SH2D6: variants seen among roughly 807,000 people sequenced by gnomAD.
The protein encoded by SH2D6 is SH2 domain containing 6.
SH2D6 carries 31 observed loss-of-function variants against 30.2 expected under a neutral mutation model. The observed-to-expected ratio is 1.03, with a 90% CI of 0.77 to 1.38. The LOEUF is 1.38. SH2D6 is among the 40% of genes most tolerant of loss of function. The probability of loss-of-function intolerance (pLI) is 0.00; values close to 1 mark genes in which losing one functional copy is unlikely to be tolerated. For missense variants in SH2D6, 240 were observed against 266.8 expected, an observed-to-expected ratio of 0.90 and a Z score of 0.70; for synonymous variants, 93 against 104.6, an observed-to-expected ratio of 0.89 and a Z score of 0.68.
At chr2:85,433,343 G>A (rs954084168) in intron 15 of SH2D6, among the ~76,000 whole-genome samples, 2 of 152,230 alleles carry the variant, frequency 1.3e-5, no homozygotes, top group Non-Finnish European at 2.9e-5. Flanking sequence ...GAGAGCTGGG[G>A]CCCATGGGCG....
intron 12 of SH2D6, among the ~76,000 whole-genome samples, chr2:85,431,006 C>A (rs1688554883): frequency 6.6e-6 from 1 of 152,160 alleles, no homozygotes; most frequent in Non-Finnish European, 1.5e-5. Context: ...GCATCCCACC[C>A]CCACTGCTCA....
At position 85,435,826 on chromosome 2, in the gene SH2D6, T is replaced by TG. The variant is rs767574931; in HGVS notation, c.891+5dup. 3.2e-6 allele frequency: 5 copies of TG among 1,583,570 alleles called. No individual in the cohort carries two copies. Among genetic ancestry groups the TG allele is most frequent in the Non-Finnish European group, 4.3e-6 (5 of 1,165,088 alleles). ...CGGGAGGGCAGGAACCGTGAGGAGG[T>TG]GGGAGCTGGAGGAGGCAGGGGCCTA... On this transcript the variant is annotated splice_region_variant and intron_variant, in intron 22 of 23. Transcript: ENST00000469800.
chr2:85,421,314 C>T (rs1028599305), intron 2 of SH2D6: 1 of 152,272 alleles, frequency 6.6e-6, no homozygotes, highest in African/African-American at 2.4e-5. Context: ...CCTTGGTGAT[C>T]CATCTGCGCT....
intron 6 of SH2D6, 24 bp from the exon 7 acceptor site, chr2:85,428,560 C>T (rs966410832): frequency 2.0e-5 from 3 of 152,132 alleles, no homozygotes; most frequent in Admixed American, 6.5e-5. Context: ...AGAAGAGTTA[C>T]CAGAACCGCC....
rs141668785 is a variant in SH2D6 at position 85,420,092 on chromosome 2, TTTTG to T, written c.-577+872_-577+875del. On this transcript the variant is annotated intron_variant, in intron 2 of 23. Coordinates refer to ENST00000469800, the MANE Select transcript of SH2D6 (RefSeq NM_001394463.1). ...GACTCTTTAATAAGAGCCCGTTCTG[TTTTG>T]TTTGTTTGTTTGTTTGTTTGTTTCC... is the stretch of plus-strand genomic sequence containing the variant. 4.8e-4 allele frequency among the ~76,000 whole-genome samples: 73 copies of T among 151,822 alleles called. 1 individual carries two copies. Among genetic ancestry groups the T allele is most frequent in the East Asian group, 3.5e-3 (18 of 5,154 alleles).
intron 22 of SH2D6, 69 bp from the exon 23 acceptor site, chr2:85,436,397 A>C (rs4832173): frequency 0.055 from 64,386 of 1,160,352 alleles, 2,279 homozygotes; most frequent in Admixed American, 0.12. Flanking sequence ...AGAGTCCCAC[A>C]GTTGCCTCAG....
chr2:85,420,978 G>T (rs933005307), intron 2 of SH2D6: 1 of 152,430 alleles, frequency 6.6e-6, no homozygotes, highest in African/African-American at 2.4e-5. Context: ...GTTGGTAAAA[G>T]GGAGGGAGGG....
rs1689258145 is a variant in SH2D6 at position 85,435,020 on chromosome 2, C to T, written c.590-45C>T. On this transcript the variant is annotated intron_variant, in intron 19 of 23. Coordinates refer to ENST00000469800, the MANE Select transcript of SH2D6 (RefSeq NM_001394463.1). ...CCTAGAAGCCACCTTTGCCCACCCC[C>T]ACCCCACCCCACCCCACCCCAGCTC... The T allele has an allele frequency of 2.1e-6, 3 of 1,400,222 alleles. No individual in the cohort carries two copies. In the South Asian group the frequency reaches 3.9e-5, roughly 18 times the overall value. The allele number at this position is 1,400,222 out of a possible 1,614,324, so 86.7% of individuals were successfully genotyped here.
At chr2:85,424,278 C>T (rs1007754462) in intron 5 of SH2D6, among the ~76,000 whole-genome samples, 2 of 152,184 alleles carry the variant, frequency 1.3e-5, no homozygotes, top group African/African-American at 2.4e-5. Flanking sequence ...CCCATGGTGG[C>T]CCCCACATAA....
rs992788859 is a variant in SH2D6, at chr2:85,431,912, T to C, written c.323T>C (p.Val108Ala). Reference sequence around the variant, plus strand: ...CTGTGCCCACAGCTGAAGGGAGCAGTGAGCCTGCCGGTGGCCGGAAAGCAG... The same window carrying C: ...CTGTGCCCACAGCTGAAGGGAGCAGCGAGCCTGCCGGTGGCCGGAAAGCAG... The part of the protein sequence containing the change: ...LPQPTMLKGA[V>A]SLPVAGKQGP... Residue 108 changes from valine (V) to alanine (A), a missense_variant, in exon 14 of 24, where the codon GTG becomes GCG. Transcript: ENST00000469800. The C allele has an allele frequency of 6.5e-6, 1 of 152,686 alleles. No individual in the cohort carries two copies. Among genetic ancestry groups the C allele is most frequent in the Non-Finnish European group, 1.5e-5 (1 of 68,076 alleles). The allele number at this position is 152,686 out of a possible 1,614,324, so 9.5% of individuals were successfully genotyped here.
intron 14 of SH2D6, among the ~76,000 whole-genome samples, chr2:85,432,783 G>T (rs1171495749): frequency 2.0e-5 from 3 of 152,246 alleles, no homozygotes; most frequent in East Asian, 3.9e-4. Context: ...TGATCTGCCC[G>T]CCTCAGCCTC....
intron 5 of SH2D6, among the ~76,000 whole-genome samples, chr2:85,424,389 C>T (rs1278236634): frequency 1.3e-5 from 2 of 152,208 alleles, no homozygotes; most frequent in South Asian, 2.1e-4. Context: ...ACATCTCCCT[C>T]CCTCTTTCCC....
intron 5 of SH2D6, among the ~76,000 whole-genome samples, chr2:85,424,691 G>A (rs959984146): frequency 6.6e-6 from 1 of 152,190 alleles, no homozygotes; most frequent in Non-Finnish European, 1.5e-5. Flanking sequence ...CTAAACTTGA[G>A]GCATGAGTTT....
intron 5 of SH2D6, among the ~76,000 whole-genome samples, chr2:85,422,970 C>G (rs927578719): frequency 2.7e-5 from 4 of 149,610 alleles, no homozygotes; most frequent in African/African-American, 4.9e-5. Flanking sequence ...TCACTGCAAC[C>G]TGCACCTCCT....
chr2:85,434,746 C>T (rs1417168194), intron 19 of SH2D6: 7 of 1,446,364 alleles, frequency 4.8e-6, no homozygotes, highest in African/African-American at 2.9e-5. Context: ...CTGAGGATGT[C>T]CCTGAAGCTC....
chr2:85,419,429 G>A (rs903940042), intron 2 of SH2D6, among the ~76,000 whole-genome samples, 185 bp downstream of exon 2: 3 of 152,238 alleles, frequency 2.0e-5, no homozygotes, highest in Admixed American at 1.3e-4. Context: ...GTGCAAGCCA[G>A]GAACTCAGGG....
chr2:85,424,082 C>T (rs919845989), intron 5 of SH2D6, among the ~76,000 whole-genome samples: 1 of 152,216 alleles, frequency 6.6e-6, no homozygotes, highest in Non-Finnish European at 1.5e-5. Flanking sequence ...AGCTCCTGTC[C>T]CCCTATTTCC....
intron 15 of SH2D6, 57 bp downstream of exon 15, chr2:85,433,178 A>C: frequency 1.3e-6 from 1 of 784,186 alleles, no homozygotes; most frequent in Non-Finnish European, 1.5e-6. Context: ...AGAAACTGGC[A>C]GGGGTGGGGT....
chr2:85,434,633 A>AC lies in SH2D6; in HGVS notation c.589+136_589+137insC, dbSNP rs1215012425. On this transcript the variant is annotated intron_variant, in intron 19 of 23. Coordinates refer to ENST00000469800, the MANE Select transcript of SH2D6 (RefSeq NM_001394463.1). ...GACTAGACTTAAAAAAAAAAAAAAAAAACTAGGTGAATGCAGGCATCTTCA... is the reference window on the plus strand; with the variant it reads ...GACTAGACTTAAAAAAAAAAAAAAAACAACTAGGTGAATGCAGGCATCTTCA... The AC allele has an allele frequency of 3.7e-6, 5 of 1,345,896 alleles. No homozygotes were observed. In the African/African-American group the frequency reaches 4.4e-5, roughly 12 times the overall value. The allele number at this position is 1,345,896 out of a possible 1,614,324, so 83.4% of individuals were successfully genotyped here.
Sources: allele counts gnomAD v4.1 joint callset (sites outside exome capture counted in the v4.1 genomes callset), GRCh38; gene constraint gnomAD v4.1.1; transcripts MANE v1.5; gene names NCBI Gene and HGNC (gene_info 2026-07-23, HGNC 2026-07-21).